The following TK2 variants were observed in gnomAD, a reference collection of about 807,000 sequenced individuals.
TK2 encodes the protein thymidine kinase 2, mitochondrial.
Under a neutral mutation model 41.9 loss-of-function variants are expected in TK2, and 35 were observed. The observed-to-expected ratio is 0.84, with a 90% CI of 0.64 to 1.11. TK2 has a LOEUF of 1.11. Among genes scored for constraint, TK2 ranks in the 50% least tolerant of loss-of-function variants. The pLI is 0.00. For synonymous variants in TK2, 128 were observed against 129.1 expected, an observed-to-expected ratio of 0.99 and a Z score of 0.06; for missense variants, 320 against 351.1, an observed-to-expected ratio of 0.91 and a Z score of 0.71.
In TK2 at chr16:66,514,257, T is replaced by C. The variant is rs1964539609; in HGVS notation, c.619-446A>G. Among the ~76,000 whole-genome samples, 1 of 152,216 alleles carries C rather than the reference T, an allele frequency of 6.6e-6. No individual in the cohort carries two copies. The highest frequency in any genetic ancestry group is 2.4e-5 in the African/African-American group (1 of 41,458). On this transcript the variant is annotated intron_variant, in intron 8 of 9. Transcript: ENST00000544898. This position sits in a 1 kb window ranked among gnomAD's most constrained non-coding sequence, Gnocchi z 4.2. ...GCCTCAGCCTGCCAAGTGCCTGGGA[T>C]TGCAGGCGCGCACCGCCATGCCTGA...
At chr16:66,522,665 G>A (rs186292088) in intron 6 of TK2, among the ~76,000 whole-genome samples, 46 of 152,148 alleles carry the variant, frequency 3.0e-4, no homozygotes, top group Non-Finnish European at 5.3e-4. Context: ...TCGGGAGTTC[G>A]AGACTAGCCT....
chr16:66,537,786 A>C (rs1347829184), intron 3 of TK2, among the ~76,000 whole-genome samples: 1 of 152,234 alleles, frequency 6.6e-6, no homozygotes. Context: ...GCCAGGATCC[A>C]TCTGGGAACT....
chr16:66,528,209 A>G (rs1964994188), intron 6 of TK2, among the ~76,000 whole-genome samples: 1 of 152,182 alleles, frequency 6.6e-6, no homozygotes, highest in African/African-American at 2.4e-5. Flanking sequence ...AGGGAAGGAC[A>G]GCAGTATCCC....
Position 66,519,164 on chromosome 16 carries a change from T to C in TK2, c.450-1287A>G, listed in dbSNP as rs190950735. Among the ~76,000 whole-genome samples, 385 of 151,314 alleles carry C rather than the reference T, an allele frequency of 2.5e-3. 1 individual carries two copies. The highest frequency in any genetic ancestry group is 6.8e-3 in the East Asian group (35 of 5,144). On this transcript the variant is annotated intron_variant, in intron 6 of 9. Coordinates refer to ENST00000544898, the MANE Select transcript of TK2 (RefSeq NM_004614.5). The stretch of plus-strand genomic sequence containing the variant: ...TTTTAGTAGAGACAGGGTTTCACCG[T>C]GTTAGCCAGGATGGTCTATTTTTTA...
intron 4 of TK2, among the ~76,000 whole-genome samples, chr16:66,532,688 C>A (rs906789871): frequency 6.6e-6 from 1 of 151,586 alleles, no homozygotes; most frequent in East Asian, 1.9e-4. Flanking sequence ...AAGATCTATA[C>A]AAGGAAAACT....
At chr16:66,530,829 T>G (rs957452133) in intron 5 of TK2, among the ~76,000 whole-genome samples, 3 of 151,984 alleles carry the variant, frequency 2.0e-5, no homozygotes, top group Non-Finnish European at 4.4e-5. Flanking sequence ...GCCATTCTCC[T>G]GCCTCAGCCT....
intron 2 of TK2, 41 bp downstream of exon 2, chr16:66,548,937 A>T (rs759802240): frequency 6.3e-7 from 1 of 1,598,738 alleles, no homozygotes; most frequent in South Asian, 1.1e-5. Flanking sequence ...TCTTCAAAAA[A>T]CCAAATTATC....
rs143502981 is a variant in TK2 at position 66,525,912 on chromosome 16, G to A, written c.449+3082C>T. ...ATAAAGTCATCAGGACAGGAAAAGA[G>A]CTAAAAAAATTAAAAGCTACATTCT... is the stretch of plus-strand genomic sequence containing the variant. On this transcript the variant is annotated intron_variant, in intron 6 of 9. Transcript: ENST00000544898. Among the ~76,000 whole-genome samples, 20 of 152,268 alleles carry A rather than the reference G, an allele frequency of 1.3e-4. No homozygotes were observed. In the East Asian group the frequency reaches 3.7e-3, roughly 28 times the overall value.
intron 6 of TK2, 101 bp downstream of exon 6, chr16:66,528,893 A>G: frequency 8.9e-7 from 1 of 1,127,234 alleles, no homozygotes; most frequent in South Asian, 1.3e-5. Flanking sequence ...TAACTGATAC[A>G]ACAGCGGGTA....
chr16:66,516,469 A>G (rs756462530), intron 8 of TK2, among the ~76,000 whole-genome samples: 1 of 152,162 alleles, frequency 6.6e-6, no homozygotes, highest in Non-Finnish European at 1.5e-5. Flanking sequence ...AGGCACTGAA[A>G]GGTTCTGGGC....
At chr16:66,519,048 G>GC (rs1013697145) in intron 6 of TK2, among the ~76,000 whole-genome samples, 5 of 151,684 alleles carry the variant, frequency 3.3e-5, no homozygotes, top group African/African-American at 1.2e-4. Context: ...TGCAAGCTCC[G>GC]CCCCCCAGGT....
In TK2 at chr16:66,530,290, A is replaced by G. The variant is rs1276535849; in HGVS notation, c.375+1090T>C. ...GTGCCAGTGTTAACTGGCTGTAGGGACAGTCTGTCTCCTTCATGCAGAGCC... is the reference window on the plus strand; with the variant it reads ...GTGCCAGTGTTAACTGGCTGTAGGGGCAGTCTGTCTCCTTCATGCAGAGCC... On this transcript the variant is annotated intron_variant, in intron 5 of 9. Transcript: ENST00000544898. Among the ~76,000 whole-genome samples, 3 of 152,308 alleles carry G rather than the reference A, an allele frequency of 2.0e-5. No individual in the cohort carries two copies. The East Asian group carries it at 5.8e-4, about 29-fold the overall frequency.
chr16:66,533,848 A>C (rs1298338703), intron 4 of TK2, among the ~76,000 whole-genome samples: 1 of 151,874 alleles, frequency 6.6e-6, no homozygotes, highest in Admixed American at 6.6e-5. Context: ...TCTACTAAAA[A>C]ATACAAAAAA....
intron 6 of TK2, among the ~76,000 whole-genome samples, chr16:66,522,362 A>C (rs56886347): frequency 0.13 from 19,765 of 152,220 alleles, 2,402 homozygotes; most frequent in African/African-American, 0.32. Context: ...CCCCAACCAC[A>C]AGCCACAGGT....
At chr16:66,542,373 C>T (rs1214995758) in intron 2 of TK2, among the ~76,000 whole-genome samples, 1 of 150,900 alleles carries the variant, frequency 6.6e-6, no homozygotes, top group African/African-American at 2.4e-5. Flanking sequence ...CACTGCTTTA[C>T]AGAAAAAAAA....
Position 66,510,795 on chromosome 16 carries a change from A to C in TK2, c.*1173T>G, listed in dbSNP as rs1261292298. 1 of 151,990 alleles carries C rather than the reference A, an allele frequency of 6.6e-6. No individual in the cohort carries two copies. The highest frequency in any genetic ancestry group is 1.5e-5 in the Non-Finnish European group (1 of 68,016). The allele number at this position is 151,990 out of a possible 1,614,324, so 9.4% of individuals were successfully genotyped here. A position where few individuals can be genotyped will look rare whatever the true frequency, so the allele number is the denominator to read the frequency against. On this transcript the variant is annotated 3_prime_UTR_variant, in exon 10 of 10. Transcript: ENST00000544898. ...ATCCCAACTTTCCAGACTATCCCCAAAGGGAACGTTCTTTCTTTCTCTTGT... is the reference window on the plus strand; with the variant it reads ...ATCCCAACTTTCCAGACTATCCCCACAGGGAACGTTCTTTCTTTCTCTTGT...
At chr16:66,527,225 C>T (rs147637018) in intron 6 of TK2, among the ~76,000 whole-genome samples, 5 of 152,312 alleles carry the variant, frequency 3.3e-5, no homozygotes, top group African/African-American at 4.8e-5. Context: ...AAGTCTGAGG[C>T]CAGGGGGCAA....
chr16:66,524,693 A>C (rs879679369), intron 6 of TK2, among the ~76,000 whole-genome samples: 1 of 152,080 alleles, frequency 6.6e-6, no homozygotes, highest in Non-Finnish European at 1.5e-5. Context: ...GACCAGTAGG[A>C]GTATGGTCCC....
Position 66,508,248 on chromosome 16 carries a change from T to G in TK2, c.*3720A>C, listed in dbSNP as rs1175198782. ...ACATAGGCTTTCTCTTAGCTTCTGTTTAATGATAGCTTTTGCCAAGTTCAC... is the reference window on the plus strand; with the variant it reads ...ACATAGGCTTTCTCTTAGCTTCTGTGTAATGATAGCTTTTGCCAAGTTCAC... On this transcript the variant is annotated 3_prime_UTR_variant, in exon 10 of 10. Coordinates refer to ENST00000544898, the MANE Select transcript of TK2 (RefSeq NM_004614.5). 1 of 152,230 alleles carries G rather than the reference T, an allele frequency of 6.6e-6. No individual in the cohort carries two copies. The highest frequency in any genetic ancestry group is 6.5e-5 in the Admixed American group (1 of 15,288). 9.4% of individuals were successfully genotyped at this position (152,230 alleles called of 1,614,324 possible).
Sources: allele counts gnomAD v4.1 joint callset (sites outside exome capture counted in the v4.1 genomes callset), GRCh38; gene constraint gnomAD v4.1.1; non-coding constraint Gnocchi (gnomAD v3.1); transcripts MANE v1.5; gene names NCBI Gene and HGNC (gene_info 2026-07-23, HGNC 2026-07-21).